The following ST8SIA4 variants were observed in gnomAD, a reference collection of about 807,000 sequenced individuals.
ST8SIA4 encodes the protein CMP-N-acetylneuraminate-poly-alpha-2,8-sialyltransferase.
In ST8SIA4, 15 loss-of-function variants were observed where a neutral mutation model predicts 33.9. That is an observed-to-expected ratio of 0.44 (90% confidence interval 0.30 to 0.68). ST8SIA4 has a LOEUF of 0.68. Ranked by LOEUF, ST8SIA4 falls within the 30% of genes least tolerant of loss-of-function variation. The pLI, the probability that ST8SIA4 is intolerant of heterozygous loss-of-function variation, is 0.10. For missense variants in ST8SIA4, 321 were observed against 428.0 expected (o/e 0.75, Z 2.21); for synonymous variants, 171 against 151.2 (o/e 1.13, Z -0.96).
At chr5:100,817,584 T>G (rs1033957992) in intron 4 of ST8SIA4, among the ~76,000 whole-genome samples, 1 of 152,238 alleles carries the variant, frequency 6.6e-6, no homozygotes, top group African/African-American at 2.4e-5. Context: ...TTTCATTGTA[T>G]TCTAGTCTGC....
chr5:100,885,940 C>A, intron 3 of ST8SIA4: 1 of 822,846 alleles, frequency 1.2e-6, no homozygotes, highest in Non-Finnish European at 1.5e-6. Flanking sequence ...TAAAAAGTAA[C>A]ATTAACATAA....
chr5:100,813,766 G>A (rs903240198), intron 4 of ST8SIA4, among the ~76,000 whole-genome samples: 1 of 151,916 alleles, frequency 6.6e-6, no homozygotes, highest in African/African-American at 2.4e-5. Context: ...TTATGTGAAA[G>A]TATTGTGAAT....
rs1179609910 is a variant in ST8SIA4 at position 100,807,408 on chromosome 5, T to G, written c.*4439A>C. Reference sequence around the variant, plus strand: ...CAGCAATGCTATCTCTGTAAACTCTTTTTTTTTCCTGCTATTTACATTTGA... The same window carrying G: ...CAGCAATGCTATCTCTGTAAACTCTGTTTTTTTCCTGCTATTTACATTTGA... On this transcript the variant is annotated 3_prime_UTR_variant, in exon 5 of 5. Transcript: ENST00000231461. The G allele has an allele frequency of 6.6e-6, 1 of 152,314 alleles. No homozygotes were observed. The allele number at this position is 152,314 out of a possible 1,614,324, so 9.4% of individuals were successfully genotyped here.
chr5:100,853,697 T>C (rs986029383), intron 4 of ST8SIA4, among the ~76,000 whole-genome samples: 3 of 152,204 alleles, frequency 2.0e-5, no homozygotes, highest in Admixed American at 1.3e-4. Context: ...CTGCAAAGTT[T>C]ATGTTTAAAA....
intron 3 of ST8SIA4, among the ~76,000 whole-genome samples, chr5:100,875,825 T>C (rs1438673362): frequency 6.6e-6 from 1 of 152,176 alleles, no homozygotes; most frequent in Non-Finnish European, 1.5e-5. Flanking sequence ...TGTATTTCAG[T>C]TGATAGAATT....
At chr5:100,865,228 T>C (rs1296508116) in intron 3 of ST8SIA4, among the ~76,000 whole-genome samples, 1 of 152,204 alleles carries the variant, frequency 6.6e-6, no homozygotes, top group Non-Finnish European at 1.5e-5. Flanking sequence ...CAGAGAGAAA[T>C]GAAAATATTG....
intron 3 of ST8SIA4, among the ~76,000 whole-genome samples, chr5:100,882,557 A>T (rs894205080): frequency 2.0e-5 from 3 of 152,238 alleles, no homozygotes; most frequent in African/African-American, 7.2e-5. Flanking sequence ...AAGGAGCAGA[A>T]TGTTAATCCC....
At chr5:100,891,722 A>C (rs1165326849) in intron 2 of ST8SIA4, among the ~76,000 whole-genome samples, 1 of 151,970 alleles carries the variant, frequency 6.6e-6, no homozygotes, top group Admixed American at 6.6e-5. Context: ...ATAATGATAA[A>C]TTTTAATAAT....
rs1750733064 is a variant in ST8SIA4, at chr5:100,808,178, C to T, written c.*3669G>A. 2 of 152,562 alleles carry T rather than the reference C, an allele frequency of 1.3e-5. No homozygotes were observed. Among genetic ancestry groups the T allele is most frequent in the Admixed American group, 1.3e-4 (2 of 15,268 alleles). The allele number at this position is 152,562 out of a possible 1,614,324, so 9.5% of individuals were successfully genotyped here. A position where few individuals can be genotyped will look rare whatever the true frequency, so the allele number is the denominator to read the frequency against. On this transcript the variant is annotated 3_prime_UTR_variant, in exon 5 of 5. Coordinates refer to ENST00000231461, the MANE Select transcript of ST8SIA4 (RefSeq NM_005668.6). ...ATTAGAAATAAATTAATTTGTTCAT[C>T]CTTTTTCTGTATAGTAGCTGAATAA...
chr5:100,843,510 C>A (rs117870952), intron 4 of ST8SIA4, among the ~76,000 whole-genome samples: 2 of 151,788 alleles, frequency 1.3e-5, no homozygotes, highest in African/African-American at 4.8e-5. Flanking sequence ...TGCTAGCATT[C>A]GACTTGTATT....
At chr5:100,891,139 T>C (rs1042576996) in intron 2 of ST8SIA4, among the ~76,000 whole-genome samples, 1 of 152,010 alleles carries the variant, frequency 6.6e-6, no homozygotes, top group African/African-American at 2.4e-5. Context: ...AACTAAAATT[T>C]AATCTAAATG....
intron 4 of ST8SIA4, among the ~76,000 whole-genome samples, chr5:100,820,158 C>T (rs1390189794): frequency 6.6e-6 from 1 of 152,152 alleles, no homozygotes; most frequent in Non-Finnish European, 1.5e-5. Context: ...AATATGGTTT[C>T]ACTATGTCTA....
rs975328038 is a variant in ST8SIA4 at position 100,811,702 on chromosome 5, G to T, written c.*145C>A. On this transcript the variant is annotated 3_prime_UTR_variant, in exon 5 of 5. Coordinates refer to ENST00000231461, the MANE Select transcript of ST8SIA4 (RefSeq NM_005668.6). Reference sequence around the variant, plus strand: ...GCACTTTGCAGGTATTTCATCAGCTGGTAGTCGATTTCTCATGAACGTCCT... The same window carrying T: ...GCACTTTGCAGGTATTTCATCAGCTTGTAGTCGATTTCTCATGAACGTCCT... The T allele has an allele frequency of 1.6e-5, 13 of 793,112 alleles. No homozygotes were observed. In the East Asian group the frequency reaches 3.2e-4, roughly 20 times the overall value. 49.1% of individuals were successfully genotyped at this position (793,112 alleles called of 1,614,324 possible).
intron 4 of ST8SIA4, among the ~76,000 whole-genome samples, chr5:100,842,619 G>T (rs1222367890): frequency 6.6e-6 from 1 of 151,604 alleles, no homozygotes; most frequent in Non-Finnish European, 1.5e-5. Flanking sequence ...ATATATTTTG[G>T]TATAAGGTTA....
intron 3 of ST8SIA4, among the ~76,000 whole-genome samples, chr5:100,869,491 C>T (rs1021917377): frequency 3.9e-5 from 6 of 152,110 alleles, no homozygotes; most frequent in African/African-American, 1.4e-4. Context: ...ATCTGAATGT[C>T]ATCACTTTTT....
chr5:100,864,343 G>A (rs1170764898), intron 3 of ST8SIA4, among the ~76,000 whole-genome samples: 1 of 151,988 alleles, frequency 6.6e-6, no homozygotes, highest in African/African-American at 2.4e-5. Flanking sequence ...GGGAGGCCGA[G>A]GTGGCTGGAT....
chr5:100,808,150 T>G lies in ST8SIA4; in HGVS notation c.*3697A>C, dbSNP rs1197210634. ...GTTATATGCATTATGTCTAACTGGC[T>G]CAATTAGAAATAAATTAATTTGTTC... On this transcript the variant is annotated 3_prime_UTR_variant, in exon 5 of 5. Transcript: ENST00000231461. 2.0e-5 allele frequency: 3 copies of G among 152,590 alleles called. No homozygotes were observed. Among genetic ancestry groups the G allele is most frequent in the Non-Finnish European group, 4.4e-5 (3 of 68,002 alleles). The allele number at this position is 152,590 out of a possible 1,614,324, so 9.5% of individuals were successfully genotyped here. A position where few individuals can be genotyped will look rare whatever the true frequency, so the allele number is the denominator to read the frequency against.
chr5:100,829,990 T>A (rs551267416), intron 4 of ST8SIA4, among the ~76,000 whole-genome samples: 1 of 152,160 alleles, frequency 6.6e-6, no homozygotes, highest in Non-Finnish European at 1.5e-5. Context: ...TTCCAAAGCA[T>A]AATTAAACAA....
At chr5:100,861,496 G>A (rs529946111) in intron 3 of ST8SIA4, among the ~76,000 whole-genome samples, 11 of 152,116 alleles carry the variant, frequency 7.2e-5, no homozygotes, top group African/African-American at 2.6e-4. Context: ...TGGAATCATC[G>A]GTCAAATTTG....
Sources: allele counts gnomAD v4.1 joint callset (sites outside exome capture counted in the v4.1 genomes callset), GRCh38; gene constraint gnomAD v4.1.1; transcripts MANE v1.5; gene names NCBI Gene and HGNC (gene_info 2026-07-23, HGNC 2026-07-21).